Variants in ADCY9 observed in about 807,000 individuals in gnomAD.
The protein encoded by ADCY9 is adenylate cyclase 9.
Under a neutral mutation model 101.5 loss-of-function variants are expected in ADCY9, and 50 were observed. The observed-to-expected ratio is 0.49, with a 90% confidence interval of 0.39 to 0.62. The LOEUF is 0.62. Ranked by LOEUF, ADCY9 falls within the 20% of genes least tolerant of loss-of-function variation. The pLI is 0.00. For missense variants in ADCY9, 1,662 were observed against 1,800.4 expected (o/e 0.92, Z 1.39); for synonymous variants, 905 against 769.3 (o/e 1.18, Z -2.92).
chr16:4,090,550 T>G (rs2056966974), intron 2 of ADCY9, among the ~76,000 whole-genome samples: 1 of 152,020 alleles, frequency 6.6e-6, no homozygotes, highest in African/African-American at 2.4e-5. Flanking sequence ...CCCACCTCCC[T>G]GTGCTCCGAA....
chr16:4,039,000 C>T (rs768989643), intron 2 of ADCY9, among the ~76,000 whole-genome samples: 11 of 152,082 alleles, frequency 7.2e-5, no homozygotes, highest in African/African-American at 2.2e-4. Flanking sequence ...ATAATAGCAA[C>T]AACATCTCCT....
chr16:4,015,276 GC>G (rs1436431497), intron 2 of ADCY9, among the ~76,000 whole-genome samples: 1 of 151,944 alleles, frequency 6.6e-6, no homozygotes, highest in Non-Finnish European at 1.5e-5. Flanking sequence ...GTTAATAAAT[GC>G]CCCACTGCTA....
chr16:4,003,563 C>CTTTTTTTT (rs34344577), intron 3 of ADCY9, among the ~76,000 whole-genome samples: 1 of 124,488 alleles, frequency 8.0e-6, no homozygotes, highest in Non-Finnish European at 1.7e-5. Context: ...TCTTTCTTTT[C>CTTTTTTTT]TTTTTTTTTT....
intron 2 of ADCY9, among the ~76,000 whole-genome samples, chr16:4,106,096 C>G (rs544906351): frequency 2.6e-5 from 4 of 152,172 alleles, no homozygotes; most frequent in African/African-American, 9.7e-5. Context: ...CACTTAACTC[C>G]GCAGAAAGGA....
At chr16:4,036,658 C>T (rs191659207) in intron 2 of ADCY9, among the ~76,000 whole-genome samples, 145 of 151,952 alleles carry the variant, frequency 9.5e-4, no homozygotes, top group African/African-American at 3.1e-3. Context: ...GAAAGGGTTT[C>T]GCCATGTTGG....
chr16:4,099,392 G>C (rs1247021650), intron 2 of ADCY9, among the ~76,000 whole-genome samples: 1 of 152,184 alleles, frequency 6.6e-6, no homozygotes, highest in African/African-American at 2.4e-5. Context: ...ACCGTTTCTT[G>C]GGTGGCATTA....
chr16:3,992,838 C>A lies in ADCY9; in HGVS notation c.1990-475G>T, dbSNP rs1039519927. On this transcript the variant is annotated intron_variant, in intron 4 of 10. Coordinates refer to ENST00000294016, the MANE Select transcript of ADCY9 (RefSeq NM_001116.4). This position sits in a 1 kb window ranked among gnomAD's most constrained non-coding sequence, Gnocchi z 4.2. ...GGTGTCCCCCGTGGCTGTGGGAAGG[C>A]ATGGGATGACCTGCACCTGCAATCC... Among the ~76,000 whole-genome samples, 3 of 152,094 alleles carry A rather than the reference C, an allele frequency of 2.0e-5. No individual in the cohort carries two copies.
rs1372895321 is a variant in ADCY9 at position 4,114,699 on chromosome 16, C to A, written c.744G>T (p.Leu248=). 2.5e-6 allele frequency: 4 copies of A among 1,613,174 alleles called. No homozygotes were observed. The highest frequency in any genetic ancestry group is 3.4e-6 in the Non-Finnish European group (4 of 1,180,046). ...MHLPLYLSLC[L]GVAYSVLFET... Reference sequence around the variant, plus strand: ...CGAAAAGGACAGAGTAGGCCACCCCCAGACACAAACTCAGGTACAAAGGTA... The same window carrying A: ...CGAAAAGGACAGAGTAGGCCACCCCAAGACACAAACTCAGGTACAAAGGTA... Residue 248 remains leucine, a synonymous_variant, in exon 2 of 11, where the codon CTG becomes CTT. Transcript: ENST00000294016. The surrounding 1 kb of genome is among the most constrained non-coding windows in gnomAD (Gnocchi z 4.3).
At chr16:3,960,822 A>C (rs2055933286), downstream of ADCY9, among the ~76,000 whole-genome samples, 1 of 152,216 alleles carries the variant, frequency 6.6e-6, no homozygotes, top group Non-Finnish European at 1.5e-5. Flanking sequence ...ATGATATTTA[A>C]AAAAACAATT....
intron 2 of ADCY9, among the ~76,000 whole-genome samples, chr16:4,084,528 C>T (rs1862209457): frequency 6.6e-6 from 1 of 151,978 alleles, no homozygotes; most frequent in Admixed American, 6.6e-5. Flanking sequence ...GAGATTGAAA[C>T]CAGACTGGAC....
At chr16:3,998,684 G>A (rs1182047533) in intron 3 of ADCY9, among the ~76,000 whole-genome samples, 1 of 117,650 alleles carries the variant, frequency 8.5e-6, no homozygotes, top group Admixed American at 1.1e-4. Context: ...ACTCCAGCCC[G>A]GGCAAAAGAG....
At chr16:3,986,277 C>T (rs909394892) in intron 6 of ADCY9, among the ~76,000 whole-genome samples, 1 of 152,180 alleles carries the variant, frequency 6.6e-6, no homozygotes, top group African/African-American at 2.4e-5. Flanking sequence ...CACAATGAGT[C>T]CCCAAACGCG....
chr16:4,050,622 G>C (rs1734012277), intron 2 of ADCY9, among the ~76,000 whole-genome samples: 1 of 143,768 alleles, frequency 7.0e-6, no homozygotes, highest in African/African-American at 2.6e-5. Context: ...GCTGAGGCAG[G>C]AGAACTGCTT....
chr16:4,113,085 A>G (rs1390654221), intron 2 of ADCY9, among the ~76,000 whole-genome samples: 1 of 152,086 alleles, frequency 6.6e-6, no homozygotes, highest in Non-Finnish European at 1.5e-5. Flanking sequence ...GAAGCTCAAT[A>G]TGAAGCTCTT....
At chr16:4,050,609 GA>G (rs1567129238) in intron 2 of ADCY9, among the ~76,000 whole-genome samples, 1 of 150,622 alleles carries the variant, frequency 6.6e-6, no homozygotes, top group African/African-American at 2.4e-5. Context: ...AGCTACTAGG[GA>G]GGCTGAGGCA....
intron 2 of ADCY9, among the ~76,000 whole-genome samples, chr16:4,058,652 G>A (rs536871604): frequency 6.6e-6 from 1 of 152,216 alleles, no homozygotes; most frequent in South Asian, 2.1e-4. Context: ...AACCTGGGAA[G>A]GTATGTGTGA....
downstream of ADCY9, among the ~76,000 whole-genome samples, chr16:3,960,768 T>C (rs1436573211): frequency 6.6e-6 from 1 of 152,164 alleles, no homozygotes; most frequent in African/African-American, 2.4e-5. Flanking sequence ...GAGAATTCCC[T>C]AAGCTTAAAT....
intron 3 of ADCY9, among the ~76,000 whole-genome samples, chr16:4,000,967 CT>C (rs1227627877): frequency 1.0e-3 from 28 of 27,984 alleles, no homozygotes; most frequent in Admixed American, 5.8e-3. Flanking sequence ...ATCCCTCTCT[CT>C]ACACACACAC....
At chr16:3,974,515 G>T (rs2056077882) in intron 10 of ADCY9, among the ~76,000 whole-genome samples, 154 bp downstream of exon 10, 1 of 152,062 alleles carries the variant, frequency 6.6e-6, no homozygotes, top group Admixed American at 6.6e-5. Flanking sequence ...CTATGATACA[G>T]TTCAACGAGG....
Sources: gnomAD v4.1 joint callset for allele counts (sites outside exome capture counted in the v4.1 genomes callset) on GRCh38, gnomAD v4.1.1 for gene constraint, Gnocchi (gnomAD v3.1) non-coding constraint, MANE v1.5 for transcripts, NCBI Gene and HGNC (gene_info 2026-07-23, HGNC 2026-07-21) for gene names.